Variants in CAMK1D observed in about 807,000 individuals in gnomAD.
CAMK1D encodes calcium/calmodulin-dependent protein kinase type 1D.
Under a neutral mutation model 47.7 loss-of-function variants are expected in CAMK1D, and 9 were observed. That is an observed-to-expected ratio of 0.19 (90% confidence interval 0.11 to 0.33). The LOEUF (loss-of-function observed/expected upper bound fraction) is 0.33, where lower values mean the gene tolerates loss of function less well. Ranked by LOEUF, CAMK1D falls within the 10% of genes least tolerant of loss-of-function variation. The pLI is 1.00. For missense variants in CAMK1D, 291 were observed against 488.7 expected (o/e 0.60, Z 3.81); for synonymous variants, 184 against 184.9 (o/e 0.99, Z 0.04).
At chr10:12,787,655 G>A (rs1434745929) in intron 5 of CAMK1D, among the ~76,000 whole-genome samples, 1 of 152,220 alleles carries the variant, frequency 6.6e-6, no homozygotes, top group African/African-American at 2.4e-5. Flanking sequence ...TCGTGTATCT[G>A]TTGCTTTGGG....
chr10:12,412,161 C>T (rs1588457535), intron 1 of CAMK1D, among the ~76,000 whole-genome samples: 1 of 152,246 alleles, frequency 6.6e-6, no homozygotes, highest in Non-Finnish European at 1.5e-5. Flanking sequence ...TTATCACAGT[C>T]CTCATCTCCT....
At chr10:12,434,166 T>A (rs1316667464) in intron 1 of CAMK1D, among the ~76,000 whole-genome samples, 1 of 152,178 alleles carries the variant, frequency 6.6e-6, no homozygotes, top group East Asian at 1.9e-4. Context: ...ATTGCTTTCT[T>A]ACCTTGAGTA....
intron 2 of CAMK1D, among the ~76,000 whole-genome samples, chr10:12,659,564 C>G (rs982219892): frequency 3.9e-5 from 6 of 152,124 alleles, no homozygotes; most frequent in African/African-American, 1.4e-4. Flanking sequence ...TGACAATATC[C>G]CAATTTTCTC....
Position 12,419,250 on chromosome 10 carries a change from G to GA in CAMK1D, c.92+69350dup, listed in dbSNP as rs551844264. Among the ~76,000 whole-genome samples the GA allele has an allele frequency of 3.8e-4, 57 of 148,796 alleles. No homozygotes were observed. The South Asian group carries it at 6.2e-3, about 16-fold the overall frequency. ...ACTCACCCCTACTTTCTGCCCCTAT[G>GA]AAAAAAAAAATAAATAAAAGGCAAG... On this transcript the variant is annotated intron_variant, in intron 1 of 10. Coordinates refer to ENST00000619168, the MANE Select transcript of CAMK1D (RefSeq NM_153498.4).
chr10:12,396,527 G>C (rs1055207192), intron 1 of CAMK1D, among the ~76,000 whole-genome samples: 3 of 152,294 alleles, frequency 2.0e-5, no homozygotes, highest in Admixed American at 1.3e-4. Flanking sequence ...CTCCACTGGA[G>C]AACACTTCTT....
At chr10:12,568,670 T>C (rs1837221818) in intron 2 of CAMK1D, among the ~76,000 whole-genome samples, 1 of 151,720 alleles carries the variant, frequency 6.6e-6, no homozygotes. Context: ...TAAAACCTTA[T>C]AGAAGATTGT....
chr10:12,541,887 C>CT (rs1554785287), intron 1 of CAMK1D, among the ~76,000 whole-genome samples: 1 of 126,860 alleles, frequency 7.9e-6, no homozygotes, highest in Non-Finnish European at 1.7e-5. Flanking sequence ...TCCTTCCTTC[C>CT]TTTTTTTTTT....
At chr10:12,400,929 C>A (rs2131912972) in intron 1 of CAMK1D, among the ~76,000 whole-genome samples, 1 of 148,126 alleles carries the variant, frequency 6.8e-6, no homozygotes, top group African/African-American at 2.5e-5. Flanking sequence ...CCAACCTGTG[C>A]AATATAGCGA....
intron 8 of CAMK1D, among the ~76,000 whole-genome samples, chr10:12,818,487 A>G (rs1198140061): frequency 6.6e-6 from 1 of 152,106 alleles, no homozygotes; most frequent in Non-Finnish European, 1.5e-5. Flanking sequence ...CCTGGCCAAC[A>G]TGGTGAAACC....
chr10:12,479,449 G>A (rs1588534188), intron 1 of CAMK1D, among the ~76,000 whole-genome samples: 1 of 152,308 alleles, frequency 6.6e-6, no homozygotes, highest in South Asian at 2.1e-4. Context: ...ATCTGCCTCA[G>A]CCTCCCAAAT....
rs539124169 is a variant in CAMK1D at position 12,825,874 on chromosome 10, C to T, written c.1039+184C>T. On this transcript the variant is annotated intron_variant, in intron 10 of 10. Transcript: ENST00000619168. ...TCACTGGGCTGGGTGCAGTGGCTCA[C>T]GCCTGTAATCCCAACACTTTGGGAG... is the stretch of plus-strand genomic sequence containing the variant. 267 of 927,484 alleles carry T rather than the reference C, an allele frequency of 2.9e-4. 2 individuals are homozygous for T. The African/African-American group carries it at 4.1e-3, about 14-fold the overall frequency. 57.5% of individuals were successfully genotyped at this position (927,484 alleles called of 1,614,324 possible).
In CAMK1D at chr10:12,391,348, G is replaced by A. The variant is rs180888673; in HGVS notation, c.92+41438G>A. On this transcript the variant is annotated intron_variant, in intron 1 of 10. Transcript: ENST00000619168. ...GGAATTCCTAAAGCAGTCTTAGGTC[G>A]GTATGACACGTGAAGAAAATACATC... Among the ~76,000 whole-genome samples the A allele has an allele frequency of 2.8e-3, 426 of 152,140 alleles. 4 individuals are homozygous for A. Among genetic ancestry groups the A allele is most frequent in the Non-Finnish European group, 5.7e-3 (385 of 68,006 alleles).
chr10:12,652,948 G>A (rs923302781), intron 2 of CAMK1D, among the ~76,000 whole-genome samples: 3 of 152,146 alleles, frequency 2.0e-5, no homozygotes, highest in South Asian at 2.1e-4. Flanking sequence ...GTCTTAGTTC[G>A]TTTTCTATAA....
At chr10:12,539,143 C>T (rs533633066) in intron 1 of CAMK1D, among the ~76,000 whole-genome samples, 1 of 152,274 alleles carries the variant, frequency 6.6e-6, no homozygotes, top group African/African-American at 2.4e-5. Flanking sequence ...CAGTGTTCTG[C>T]TATTTCAAAC....
chr10:12,541,810 G>C (rs1197586973), intron 1 of CAMK1D, among the ~76,000 whole-genome samples: 1 of 150,022 alleles, frequency 6.7e-6, no homozygotes, highest in Non-Finnish European at 1.5e-5. Context: ...CTCAAGCCAA[G>C]TACCACTGAC....
At chr10:12,712,329 G>A (rs1833967574) in intron 3 of CAMK1D, among the ~76,000 whole-genome samples, 1 of 152,196 alleles carries the variant, frequency 6.6e-6, no homozygotes, top group Admixed American at 6.5e-5. Context: ...GCTAGGACAG[G>A]CGCACACATA....
At chr10:12,749,211 T>G (rs1835813477) in intron 3 of CAMK1D, among the ~76,000 whole-genome samples, 1 of 152,176 alleles carries the variant, frequency 6.6e-6, no homozygotes, top group Admixed American at 6.5e-5. Flanking sequence ...TCACTGTTCA[T>G]TCTTTGAGAA....
At chr10:12,630,369 C>T (rs1588710096) in intron 2 of CAMK1D, among the ~76,000 whole-genome samples, 1 of 123,784 alleles carries the variant, frequency 8.1e-6, no homozygotes. Flanking sequence ...CTTTCTTTTT[C>T]TTTCTTTTTT....
chr10:12,805,861 T>C (rs1175589521), intron 6 of CAMK1D, among the ~76,000 whole-genome samples: 1 of 152,024 alleles, frequency 6.6e-6, no homozygotes, highest in Non-Finnish European at 1.5e-5. Context: ...AGGACCAGGG[T>C]TGCAAAAAGG....
Sources: gnomAD v4.1 joint callset for allele counts (sites outside exome capture counted in the v4.1 genomes callset) on GRCh38, gnomAD v4.1.1 for gene constraint, MANE v1.5 for transcripts, NCBI Gene and HGNC (gene_info 2026-07-23, HGNC 2026-07-21) for gene names.